The following ADAMTSL2 variants were observed in gnomAD, a reference collection of about 807,000 sequenced individuals.
The protein encoded by ADAMTSL2 is ADAMTS like 2.
Under a neutral mutation model 117.0 loss-of-function variants are expected in ADAMTSL2, and 55 were observed. That is an observed-to-expected ratio of 0.47 (90% CI 0.38 to 0.59). The LOEUF (loss-of-function observed/expected upper bound fraction) is 0.59. Among genes scored for constraint, ADAMTSL2 ranks in the 20% least tolerant of loss-of-function variants. ADAMTSL2 has a pLI of 0.00. For synonymous variants in ADAMTSL2, 572 were observed against 566.4 expected (o/e 1.01, Z -0.14); for missense variants, 1,182 against 1,354.5 (o/e 0.87, Z 2.00).
At position 133,555,571 on chromosome 9, in the gene ADAMTSL2, G is replaced by T; in HGVS notation, c.1290G>T (p.Thr430=). The T allele has an allele frequency of 6.2e-7, 1 of 1,613,046 alleles. No individual in the cohort carries two copies. The highest frequency in any genetic ancestry group is 8.5e-7 in the Non-Finnish European group (1 of 1,180,020). ...RGKGFRDRNV[T]GTPLTGDKDD... Reference sequence around the variant, plus strand: ...TCTCCTCTCCAGACCGCAACGTCACGGGGACTCCTCTCACCGGGGACAAGG... The same window carrying T: ...TCTCCTCTCCAGACCGCAACGTCACTGGGACTCCTCTCACCGGGGACAAGG... The change falls in exon 11 of 19, where the codon ACG becomes ACT. Residue 430 remains threonine, a synonymous_variant. Transcript: ENST00000651351.
At chr9:133,537,338 G>A in intron 2 of ADAMTSL2, 67 bp from the exon 3 acceptor site, 1 of 1,320,600 alleles carries the variant, frequency 7.6e-7, no homozygotes, top group South Asian at 2.8e-5. Flanking sequence ...CTCGGGCATG[G>A]GGTGGGGGCA....
rs568661647 is a variant in ADAMTSL2, at chr9:133,548,829, C to T, written c.939+1616C>T. ...AAGGGTGGGGTCCGTGGTCCACCCC[C>T]AGCACAGCTTGGACCTATGCGCTTT... On this transcript the variant is annotated intron_variant, in intron 9 of 18. Coordinates refer to ENST00000651351, the MANE Select transcript of ADAMTSL2 (RefSeq NM_014694.4). 3.8e-3 allele frequency among the ~76,000 whole-genome samples: 575 copies of T among 152,296 alleles called. 1 individual carries two copies. The highest frequency in any genetic ancestry group is 5.9e-3 in the Non-Finnish European group (400 of 68,002).
In ADAMTSL2 at chr9:133,555,629, C is replaced by A. The variant is rs2131141286; in HGVS notation, c.1348C>A (p.Gln450Lys). ...DEEVDTHFAS[Q>K]EFFSANAISD... ...AGAGGTTGACACCCACTTCGCCTCCCAGGAGTTCTTCTCGGCTAACGCCAT... is the reference window on the plus strand; with the variant it reads ...AGAGGTTGACACCCACTTCGCCTCCAAGGAGTTCTTCTCGGCTAACGCCAT... The change falls in exon 11 of 19, where the codon CAG becomes AAG. Residue 450 changes from glutamine (Q) to lysine (K), a missense_variant. Transcript: ENST00000651351. 1 of 1,613,562 alleles carries A rather than the reference C, an allele frequency of 6.2e-7. No individual in the cohort carries two copies. The highest frequency in any genetic ancestry group is 2.2e-5 in the East Asian group (1 of 44,880).
chr9:133,569,503 G>C lies in ADAMTSL2; in HGVS notation c.2340G>C (p.Glu780Asp). 1 of 1,612,084 alleles carries C rather than the reference G, an allele frequency of 6.2e-7. No homozygotes were observed. Among genetic ancestry groups the C allele is most frequent in the Non-Finnish European group, 8.5e-7 (1 of 1,179,394 alleles). ...RVVPESQCQM[E>D]TKPLAIHPCG... Reference sequence around the variant, plus strand: ...TACCTGAGTCCCAGTGCCAGATGGAGACCAAGCCTCTGGCCATCCACCCCT... The same window carrying C: ...TACCTGAGTCCCAGTGCCAGATGGACACCAAGCCTCTGGCCATCCACCCCT... The change falls in exon 16 of 19, where the codon GAG (glutamate) becomes GAC (aspartate). Residue 780 changes from glutamate to aspartate, a missense_variant. Physicochemically the swap from Glu to Asp is conservative, Grantham distance 45. Around this residue, in one of 3 missense-constraint regions of ADAMTSL2, gnomAD observed 465 missense variants for 565.3 expected, o/e 0.82. Transcript: ENST00000651351.
chr9:133,561,397 C>A, intron 12 of ADAMTSL2, 102 bp downstream of exon 12: 2 of 1,103,522 alleles, frequency 1.8e-6, no homozygotes, highest in Non-Finnish European at 2.7e-6. Context: ...AGCCCCCAAA[C>A]TGCCCTCGGG....
chr9:133,563,561 A>G (rs9722048), intron 12 of ADAMTSL2, among the ~76,000 whole-genome samples: 85,662 of 151,882 alleles, frequency 0.56, 25,129 homozygotes, highest in African/African-American at 0.65. Context: ...CCTCGCTGGC[A>G]AGGGGCCTGA....
At chr9:133,539,676 T>TGTCCCGGCTGTCCCGGCTGTC in intron 4 of ADAMTSL2, 95 bp from the exon 5 acceptor site, 1 of 1,288,348 alleles carries the variant, frequency 7.8e-7, no homozygotes, top group African/African-American at 1.5e-5. Flanking sequence ...CTGTCCCGGC[T>TGTCCCGGCTGTCCCGGCTGTC]GTCCCGGCTG....
chr9:133,563,586 T>TGGAA (rs1316938630), intron 12 of ADAMTSL2, among the ~76,000 whole-genome samples: 3 of 151,946 alleles, frequency 2.0e-5, no homozygotes, highest in Non-Finnish European at 2.9e-5. Context: ...CAGCCCTGCG[T>TGGAA]GGAAGATGTC....
In ADAMTSL2 at chr9:133,560,892, C is replaced by G. The variant is rs1830711518; in HGVS notation, c.1650-306C>G. ...GTGTGTGCAGGGAGCAACTACAGTGCTGGGGGCCCCAAATTCTCAGGCCAC... is the reference window on the plus strand; with the variant it reads ...GTGTGTGCAGGGAGCAACTACAGTGGTGGGGGCCCCAAATTCTCAGGCCAC... On this transcript the variant is annotated intron_variant, in intron 11 of 18. Coordinates refer to ENST00000651351, the MANE Select transcript of ADAMTSL2 (RefSeq NM_014694.4). 2.0e-5 allele frequency among the ~76,000 whole-genome samples: 3 copies of G among 152,320 alleles called. No individual in the cohort carries two copies. The South Asian group carries it at 6.2e-4, about 32-fold the overall frequency.
intron 9 of ADAMTSL2, among the ~76,000 whole-genome samples, chr9:133,551,465 C>T (rs1037153548): frequency 3.3e-5 from 5 of 152,148 alleles, no homozygotes; most frequent in African/African-American, 9.7e-5. Context: ...TTGCTGCTGG[C>T]GGAGCTGGTA....
At position 133,570,642 on chromosome 9, in the gene ADAMTSL2, C is replaced by T. The variant is rs1036994466; in HGVS notation, c.2592+135C>T. 1,432 of 999,164 alleles carry T rather than the reference C, an allele frequency of 1.4e-3. 3 individuals carry two copies. Among genetic ancestry groups the T allele is most frequent in the Middle Eastern group, 4.9e-3 (18 of 3,666 alleles). 61.9% of individuals were successfully genotyped at this position (999,164 alleles called of 1,614,324 possible). On this transcript the variant is annotated intron_variant, in intron 17 of 18. Transcript: ENST00000651351. ...CAGCCTCTGTGAGGGCTTTCCTTCCCGGGAAAGCTTCTCAACTCCACCACG... is the reference window on the plus strand; with the variant it reads ...CAGCCTCTGTGAGGGCTTTCCTTCCTGGGAAAGCTTCTCAACTCCACCACG...
upstream of ADAMTSL2, among the ~76,000 whole-genome samples, chr9:133,533,000 C>G (rs1335057053): frequency 6.6e-6 from 1 of 152,174 alleles, no homozygotes; most frequent in Non-Finnish European, 1.5e-5. Context: ...CGTTAGTCAC[C>G]CTGGCGCTGG....
Position 133,574,978 on chromosome 9 carries a change from G to A in ADAMTSL2, c.*114G>A, listed in dbSNP as rs1233972231. ...TGCGGGGCACGCTGGCCTAAGAGAC[G>A]TGGCACTGAGCCTCGGCTGTCGAGA... is the stretch of plus-strand genomic sequence containing the variant. On this transcript the variant is annotated 3_prime_UTR_variant, in exon 19 of 19. Transcript: ENST00000651351. 3.0e-5 allele frequency: 24 copies of A among 803,588 alleles called. No individual in the cohort carries two copies. In the Admixed American group the frequency reaches 3.8e-4, roughly 13 times the overall value. The allele number at this position is 803,588 out of a possible 1,614,324, so 49.8% of individuals were successfully genotyped here.
chr9:133,561,982 A>T (rs1252943066), intron 12 of ADAMTSL2, among the ~76,000 whole-genome samples: 1 of 152,208 alleles, frequency 6.6e-6, no homozygotes, highest in Non-Finnish European at 1.5e-5. Context: ...AGGGCCGTTG[A>T]TGGGAGAAAA....
chr9:133,550,770 T>C (rs1398577868), intron 9 of ADAMTSL2, among the ~76,000 whole-genome samples: 1 of 152,116 alleles, frequency 6.6e-6, no homozygotes, highest in Non-Finnish European at 1.5e-5. Context: ...CTTCCATCCC[T>C]TCCTCCACGC....
At chr9:133,573,066 G>C (rs1316346347) in intron 17 of ADAMTSL2, among the ~76,000 whole-genome samples, 2 of 145,652 alleles carry the variant, frequency 1.4e-5, no homozygotes, top group Admixed American at 6.7e-5. Context: ...GTCTTAATCG[G>C]TCTTCCTTGC....
In ADAMTSL2 at chr9:133,567,001, G is replaced by A; in HGVS notation, c.1813G>A (p.Asp605Asn). Residue 605 changes from aspartate (D) to asparagine (N), a missense_variant, in exon 13 of 19, where the codon GAC becomes AAC. Physicochemically the swap from Asp to Asn is conservative, Grantham distance 23. Around this residue, in one of 3 missense-constraint regions of ADAMTSL2, gnomAD observed 465 missense variants for 565.3 expected, o/e 0.82. Transcript: ENST00000651351. Reference protein sequence around the residue: ...DGVEVDDSYCDALTRPEPVHE... With the variant: ...DGVEVDDSYCNALTRPEPVHE... ...CGTCGAGGTGGATGACAGCTACTGT[G>A]ACGCCCTGACCCGTCCCGAGCCTGT... 6.2e-7 allele frequency: 1 copy of A among 1,611,490 alleles called. No individual in the cohort carries two copies. Among genetic ancestry groups the A allele is most frequent in the Non-Finnish European group, 8.5e-7 (1 of 1,179,530 alleles).
In ADAMTSL2 at chr9:133,570,635, T is replaced by C. The variant is rs1831084137; in HGVS notation, c.2592+128T>C. ...TCCCTGACAGCCTCTGTGAGGGCTT[T>C]CCTTCCCGGGAAAGCTTCTCAACTC... On this transcript the variant is annotated intron_variant, in intron 17 of 18. Coordinates refer to ENST00000651351, the MANE Select transcript of ADAMTSL2 (RefSeq NM_014694.4). 7.5e-6 allele frequency: 8 copies of C among 1,063,474 alleles called. No individual in the cohort carries two copies. In the South Asian group the frequency reaches 9.6e-5, roughly 13 times the overall value. The allele number at this position is 1,063,474 out of a possible 1,614,324, so 65.9% of individuals were successfully genotyped here. A position where few individuals can be genotyped will look rare whatever the true frequency, so the allele number is the denominator to read the frequency against.
intron 17 of ADAMTSL2, among the ~76,000 whole-genome samples, chr9:133,572,181 C>A (rs1157068411): frequency 1.3e-5 from 2 of 150,310 alleles, no homozygotes; most frequent in Non-Finnish European, 3.0e-5. Context: ...CGCCACCCCC[C>A]ACCCCCCACC....
Sources: allele counts gnomAD v4.1 joint callset (sites outside exome capture counted in the v4.1 genomes callset), GRCh38; gene constraint gnomAD v4.1.1; regional missense constraint gnomAD v4.1.1; transcripts MANE v1.5; gene names NCBI Gene and HGNC (gene_info 2026-07-23, HGNC 2026-07-21).